The following TBC1D19 variants were observed in gnomAD, a reference collection of about 807,000 sequenced individuals.
TBC1D19 encodes TBC1 domain family, member 19.
In TBC1D19, 60 loss-of-function variants were observed where a neutral mutation model predicts 89.0. The ratio of observed to expected loss-of-function variants is 0.67; its 90% CI spans 0.55 to 0.84. TBC1D19 has a LOEUF of 0.84. Ranked by LOEUF, TBC1D19 falls within the 40% of genes least tolerant of loss-of-function variation. TBC1D19 has a pLI of 0.00. For synonymous variants in TBC1D19, 189 were observed against 199.7 expected, an observed-to-expected ratio of 0.95 and a Z score of 0.45; for missense variants, 500 against 610.8, an observed-to-expected ratio of 0.82 and a Z score of 1.91.
chr4:26,592,271 T>G (rs1450065168), intron 1 of TBC1D19, among the ~76,000 whole-genome samples: 1 of 152,180 alleles, frequency 6.6e-6, no homozygotes. Context: ...GAAAAGGCCT[T>G]TGACAAAATT....
chr4:26,845,404 T>A, the TBC1D19 span, among the ~76,000 whole-genome samples: 1 of 151,324 alleles, frequency 6.6e-6, no homozygotes, highest in Admixed American at 6.6e-5. Context: ...ATTGACAATT[T>A]AAACTATTTT....
chr4:26,807,949 A>AAT, the TBC1D19 span, among the ~76,000 whole-genome samples: 240 of 152,328 alleles, frequency 1.6e-3, no homozygotes, highest in African/African-American at 5.4e-3. Flanking sequence ...AAACTGAGGC[A>AAT]CGGGAGATGG....
chr4:26,582,748 C>T (rs1255531677), upstream of TBC1D19, among the ~76,000 whole-genome samples: 2 of 152,132 alleles, frequency 1.3e-5, no homozygotes, highest in Admixed American at 6.6e-5. Context: ...TGTTTCTTTC[C>T]TGGCTGCCTC....
chr4:26,797,525 CAGAATT>C, the TBC1D19 span, among the ~76,000 whole-genome samples: 3 of 152,074 alleles, frequency 2.0e-5, no homozygotes, highest in Non-Finnish European at 2.9e-5. Flanking sequence ...TCATTTTTAA[CAGAATT>C]AGAAGAAAAC....
chr4:26,697,288 C>G (rs1304921293), intron 13 of TBC1D19, among the ~76,000 whole-genome samples: 4 of 151,922 alleles, frequency 2.6e-5, no homozygotes, highest in Admixed American at 2.6e-4. Flanking sequence ...ACACAAACAC[C>G]CTCCCAAGGA....
the TBC1D19 span, among the ~76,000 whole-genome samples, chr4:26,839,182 A>G: frequency 6.6e-6 from 1 of 152,100 alleles, no homozygotes; most frequent in Non-Finnish European, 1.5e-5. Context: ...TTCTTTCCAC[A>G]ATATAAACAA....
chr4:26,790,208 G>A, the TBC1D19 span, among the ~76,000 whole-genome samples: 8 of 151,948 alleles, frequency 5.3e-5, no homozygotes, highest in East Asian at 1.9e-4. Flanking sequence ...GTGGTCCTCC[G>A]TACTCTCTCT....
intron 13 of TBC1D19, among the ~76,000 whole-genome samples, chr4:26,715,299 TTCC>T: frequency 6.6e-6 from 1 of 151,998 alleles, no homozygotes; most frequent in Non-Finnish European, 1.5e-5. Flanking sequence ...TACCTTCAAC[TTCC>T]ACATGTTACT....
chr4:26,733,304 T>C (rs1193589172), intron 15 of TBC1D19, among the ~76,000 whole-genome samples: 2 of 152,222 alleles, frequency 1.3e-5, no homozygotes, highest in Non-Finnish European at 2.9e-5. Context: ...AATAATAGCC[T>C]AAGCTATTTA....
intron 12 of TBC1D19, among the ~76,000 whole-genome samples, chr4:26,688,048 C>T (rs1356064812): frequency 6.6e-6 from 1 of 152,032 alleles, no homozygotes; most frequent in South Asian, 2.1e-4. Flanking sequence ...ATGATTGCAT[C>T]CGCTTTTCTT....
At chr4:26,814,407 C>G in the TBC1D19 span, among the ~76,000 whole-genome samples, 1 of 152,096 alleles carries the variant, frequency 6.6e-6, no homozygotes, top group Non-Finnish European at 1.5e-5. Context: ...CTGATTGTCC[C>G]CCAACTCTTC....
At chr4:26,664,765 CT>C (rs1711648130) in intron 8 of TBC1D19, among the ~76,000 whole-genome samples, 1 of 152,102 alleles carries the variant, frequency 6.6e-6, no homozygotes, top group Non-Finnish European at 1.5e-5. Flanking sequence ...GTCCCTCCCC[CT>C]GTGCTCTCAG....
At chr4:26,817,979 A>ATATATAT in the TBC1D19 span, among the ~76,000 whole-genome samples, 10 of 107,362 alleles carry the variant, frequency 9.3e-5, no homozygotes, top group East Asian at 4.6e-4. Context: ...AAAAAAAAAA[A>ATATATAT]AAATATATAT....
intron 16 of TBC1D19, among the ~76,000 whole-genome samples, chr4:26,738,213 T>A (rs1718155513): frequency 6.6e-6 from 1 of 151,392 alleles, no homozygotes; most frequent in African/African-American, 2.4e-5. Flanking sequence ...AATTGTAAAT[T>A]TCTTTTATAT....
chr4:26,800,600 G>A, the TBC1D19 span, among the ~76,000 whole-genome samples: 1 of 152,190 alleles, frequency 6.6e-6, no homozygotes, highest in African/African-American at 2.4e-5. Flanking sequence ...CGCAATGGTT[G>A]AACTAGTTTA....
the TBC1D19 span, among the ~76,000 whole-genome samples, chr4:26,784,378 G>T: frequency 0.63 from 95,971 of 151,966 alleles, 32,937 homozygotes; most frequent in South Asian, 0.86. Context: ...TATTGAGAAG[G>T]CAGTGAGAGA....
intron 13 of TBC1D19, among the ~76,000 whole-genome samples, chr4:26,700,100 C>T (rs542364474): frequency 6.6e-6 from 1 of 151,436 alleles, no homozygotes; most frequent in Non-Finnish European, 1.5e-5. Flanking sequence ...ACAAACAGAG[C>T]CTCAGGGAAG....
the TBC1D19 span, among the ~76,000 whole-genome samples, chr4:26,856,548 C>T: frequency 6.6e-6 from 1 of 152,208 alleles, no homozygotes. Context: ...TTAGGAACCT[C>T]CATACTACTT....
the TBC1D19 span, among the ~76,000 whole-genome samples, chr4:26,790,542 G>GATGGATGC: frequency 1.3e-5 from 2 of 149,872 alleles, no homozygotes. Flanking sequence ...GTGATGGATG[G>GATGGATGC]ATGGATGCAT....
Sources: gnomAD v4.1 joint callset for allele counts (sites outside exome capture counted in the v4.1 genomes callset) on GRCh38, gnomAD v4.1.1 for gene constraint, MANE v1.5 for transcripts, NCBI Gene and HGNC (gene_info 2026-07-23, HGNC 2026-07-21) for gene names.